The following FOXP2 variants were observed in gnomAD, a reference collection of about 807,000 sequenced individuals.
FOXP2 encodes the protein forkhead box protein P2.
A neutral mutation model predicts 115.8 loss-of-function variants in FOXP2; 12 were observed. The observed-to-expected ratio is 0.10, with a 90% CI of 0.07 to 0.17. The LOEUF is 0.17. Among genes scored for constraint, FOXP2 ranks in the 10% least tolerant of loss-of-function variants. FOXP2 has a pLI of 1.00. For synonymous variants in FOXP2, 328 were observed against 297.7 expected, an observed-to-expected ratio of 1.10 and a Z score of -1.05; for missense variants, 629 against 843.5, an observed-to-expected ratio of 0.75 and a Z score of 3.15.
At chr7:114,208,621 A>C (rs1794260828) in intron 1 of FOXP2, among the ~76,000 whole-genome samples, 1 of 151,852 alleles carries the variant, frequency 6.6e-6, no homozygotes, top group African/African-American at 2.4e-5. Context: ...TCTCATCTTG[A>C]ATTTTAGCTC....
At chr7:114,649,845 C>T (rs1806136436) in intron 8 of FOXP2, among the ~76,000 whole-genome samples, 1 of 152,080 alleles carries the variant, frequency 6.6e-6, no homozygotes, top group African/African-American at 2.4e-5. Flanking sequence ...GGGCTGCAAG[C>T]TAGCCTATAA....
At chr7:114,363,640 CACA>C (rs1791805152) in intron 2 of FOXP2, among the ~76,000 whole-genome samples, 2 of 152,004 alleles carry the variant, frequency 1.3e-5, no homozygotes, top group South Asian at 2.1e-4. Flanking sequence ...GAAGAAAAAA[CACA>C]ACAATTGAGT....
intron 2 of FOXP2, among the ~76,000 whole-genome samples, chr7:114,294,331 C>T (rs1796682105): frequency 6.6e-6 from 1 of 152,104 alleles, no homozygotes; most frequent in Non-Finnish European, 1.5e-5. Context: ...TGCAGTATCT[C>T]TTCTACTAAT....
upstream of FOXP2, among the ~76,000 whole-genome samples, chr7:114,160,954 C>T (rs1027438480): frequency 2.0e-5 from 3 of 152,190 alleles, no homozygotes; most frequent in Non-Finnish European, 2.9e-5. Flanking sequence ...AATTAGCATA[C>T]GTATTGTTCT....
At position 114,691,359 on chromosome 7, in the gene FOXP2, T is replaced by G. The variant is rs1181011193; in HGVS notation, c.*1433T>G. On this transcript the variant is annotated 3_prime_UTR_variant, in exon 17 of 17. Transcript: ENST00000350908. The stretch of plus-strand genomic sequence containing the variant: ...ATTTTAAAGTGATCTAGCTGAGTTT[T>G]TACACTGAAAGCAAAGATTATAGCA... The G allele has an allele frequency of 4.4e-6, 2 of 453,892 alleles. No homozygotes were observed. The highest frequency in any genetic ancestry group is 8.8e-6 in the Non-Finnish European group (2 of 226,770). The allele number at this position is 453,892 out of a possible 1,614,324, so 28.1% of individuals were successfully genotyped here.
chr7:114,419,170 T>C (rs1793485814), intron 1 of FOXP2, among the ~76,000 whole-genome samples: 1 of 151,924 alleles, frequency 6.6e-6, no homozygotes, highest in Non-Finnish European at 1.5e-5. Flanking sequence ...TATACATATG[T>C]AGTATGTCAA....
At chr7:114,106,359 T>C (rs1191139926) in intron 1 of FOXP2, among the ~76,000 whole-genome samples, 8 of 87,032 alleles carry the variant, frequency 9.2e-5, no homozygotes, top group Admixed American at 7.4e-4. Context: ...TGTCCCCTCC[T>C]TTTTTTTTTT....
chr7:114,393,983 TGTGTGTGTGTGTGTGTGTGTGTGAGA>T (rs1197196119), intron 2 of FOXP2, among the ~76,000 whole-genome samples: 2 of 131,236 alleles, frequency 1.5e-5, no homozygotes, highest in Non-Finnish European at 3.4e-5. Flanking sequence ...TGTGTGAGAG[TGTGTGTGTGTGTGTGTGTGTGTGAGA>T]GAGAGAGAGA....
chr7:114,318,586 AAC>A (rs1231482423), intron 2 of FOXP2, among the ~76,000 whole-genome samples: 2 of 151,930 alleles, frequency 1.3e-5, no homozygotes, highest in Non-Finnish European at 2.9e-5. Context: ...AATGAATTTA[AAC>A]ACAATGATTC....
Position 114,629,960 on chromosome 7 carries a change from ACAGCAG to A in FOXP2, c.564_569del (p.Gln190_Gln191del), listed in dbSNP as rs768441245. 4.3e-6 allele frequency: 7 copies of A among 1,609,336 alleles called. No homozygotes were observed. The highest frequency in any genetic ancestry group is 5.9e-6 in the Non-Finnish European group (7 of 1,178,618). ...AGCAACAACAGCAGCAGCAGCAGCA[ACAGCAG>A]CAGCAGCAGCAACAGCATCCTGGAA... On this transcript the variant is annotated inframe_deletion, in exon 5 of 17. Coordinates refer to ENST00000350908, the MANE Select transcript of FOXP2 (RefSeq NM_014491.4).
intron 2 of FOXP2, among the ~76,000 whole-genome samples, chr7:114,453,716 A>T (rs1240956583): frequency 6.6e-6 from 1 of 152,042 alleles, no homozygotes; most frequent in Non-Finnish European, 1.5e-5. Flanking sequence ...TTTTGTGGGA[A>T]TCTGTTTCTA....
chr7:114,517,493 G>T (rs1367585654), intron 2 of FOXP2, among the ~76,000 whole-genome samples: 2 of 152,222 alleles, frequency 1.3e-5, no homozygotes, highest in African/African-American at 4.8e-5. Context: ...GTTGTTTATG[G>T]TGTGAGATGA....
intron 2 of FOXP2, among the ~76,000 whole-genome samples, chr7:114,437,123 CAT>C (rs1794388027): frequency 1.3e-5 from 2 of 152,088 alleles, no homozygotes; most frequent in South Asian, 2.1e-4. Flanking sequence ...ATTTGTCTCT[CAT>C]GTGATTTTTA....
intron 2 of FOXP2, among the ~76,000 whole-genome samples, chr7:114,356,599 C>T (rs1584662353): frequency 6.6e-6 from 1 of 152,166 alleles, no homozygotes; most frequent in Middle Eastern, 3.4e-3. Context: ...AGGTCAAAAG[C>T]TTGGGTTCAA....
At chr7:114,498,966 A>G (rs1405951613) in intron 2 of FOXP2, 1 of 717,370 alleles carries the variant, frequency 1.4e-6, no homozygotes, top group Non-Finnish European at 2.6e-6. Flanking sequence ...GCGATTCTCA[A>G]AAGTGTGAGT....
At chr7:114,228,346 C>T (rs1794792957) in intron 1 of FOXP2, among the ~76,000 whole-genome samples, 1 of 151,914 alleles carries the variant, frequency 6.6e-6, no homozygotes, top group African/African-American at 2.4e-5. Context: ...GACTGGTGCC[C>T]TCAATTGGTG....
chr7:114,308,322 C>T (rs1797065839), intron 2 of FOXP2, among the ~76,000 whole-genome samples: 1 of 152,088 alleles, frequency 6.6e-6, no homozygotes, highest in Admixed American at 6.6e-5. Context: ...TTATATCAAT[C>T]CAACTAAAGT....
intron 3 of FOXP2, among the ~76,000 whole-genome samples, chr7:114,537,569 A>G (rs1184035700): frequency 1.3e-5 from 2 of 151,572 alleles, no homozygotes; most frequent in African/African-American, 2.4e-5. Flanking sequence ...GTGACATGGT[A>G]CAGAGTCTAT....
At chr7:114,443,566 C>T (rs1794701138) in intron 2 of FOXP2, among the ~76,000 whole-genome samples, 1 of 152,114 alleles carries the variant, frequency 6.6e-6, no homozygotes, top group African/African-American at 2.4e-5. Context: ...TTTTAGTTCT[C>T]AGCCTTCTCC....
Sources: allele counts gnomAD v4.1 joint callset (sites outside exome capture counted in the v4.1 genomes callset), GRCh38; gene constraint gnomAD v4.1.1; transcripts MANE v1.5; gene names NCBI Gene and HGNC (gene_info 2026-07-23, HGNC 2026-07-21).